FSTL5: variants seen among roughly 807,000 people sequenced by gnomAD.
FSTL5 encodes the protein follistatin like 5, also known as follistatin-related protein 5.
Under a neutral mutation model 89.1 loss-of-function variants are expected in FSTL5, and 62 were observed. The ratio of observed to expected loss-of-function variants is 0.70; its 90% confidence interval spans 0.57 to 0.86. FSTL5 has a LOEUF of 0.86. Ranked by LOEUF, FSTL5 falls within the 40% of genes least tolerant of loss-of-function variation. FSTL5 has a pLI of 0.00. For missense variants in FSTL5, 1,057 were observed against 1,001.6 expected (o/e 1.06, Z -0.75); for synonymous variants, 383 against 346.2 (o/e 1.11, Z -1.18).
At chr4:161,535,109 T>C (rs1470111979) in intron 10 of FSTL5, among the ~76,000 whole-genome samples, 1 of 152,056 alleles carries the variant, frequency 6.6e-6, no homozygotes, top group Non-Finnish European at 1.5e-5. Context: ...GACCTTAAAT[T>C]ATAAAAATCC....
Position 161,459,322 on chromosome 4 carries a change from A to G in FSTL5, c.1609-3T>C. 6.3e-7 allele frequency: 1 copy of G among 1,587,822 alleles called. No homozygotes were observed. The highest frequency in any genetic ancestry group is 8.6e-7 in the Non-Finnish European group (1 of 1,158,154). On this transcript the variant is annotated splice_region_variant and splice_polypyrimidine_tract_variant and intron_variant, in intron 13 of 15. Transcript: ENST00000306100. ...GGGACAGGGTCTGTGCTCACTGCCT[A>G]CAATAAAGAAGAATTGAAAAAAATG... is the stretch of plus-strand genomic sequence containing the variant.
chr4:161,572,921 A>G (rs184773245), intron 8 of FSTL5, among the ~76,000 whole-genome samples: 64 of 152,320 alleles, frequency 4.2e-4, no homozygotes, highest in Middle Eastern at 6.8e-3. Context: ...ATAAATCCTG[A>G]TATTTAATCA....
In FSTL5 at chr4:161,867,130, G is replaced by A. The variant is rs182533944; in HGVS notation, c.409+53274C>T. On this transcript the variant is annotated intron_variant, in intron 4 of 15. Coordinates refer to ENST00000306100, the MANE Select transcript of FSTL5 (RefSeq NM_020116.5). The stretch of plus-strand genomic sequence containing the variant: ...TCCAACTCCCTGCTTCATCTATTGA[G>A]GGCTTTTATCAAATGGGTTCAGTTT... Among the ~76,000 whole-genome samples, 499 of 152,032 alleles carry A rather than the reference G, an allele frequency of 3.3e-3. 6 individuals carry two copies. The highest frequency in any genetic ancestry group is 0.011 in the African/African-American group (464 of 41,520).
At chr4:161,755,311 A>C (rs1290294307) in intron 6 of FSTL5, among the ~76,000 whole-genome samples, 1 of 152,114 alleles carries the variant, frequency 6.6e-6, no homozygotes. Flanking sequence ...TCCACAAAGA[A>C]AAAAGGTATT....
At chr4:161,575,597 G>A (rs1733181956) in intron 8 of FSTL5, among the ~76,000 whole-genome samples, 1 of 151,998 alleles carries the variant, frequency 6.6e-6, no homozygotes, top group Non-Finnish European at 1.5e-5. Flanking sequence ...GGGATTACAG[G>A]CACCTGCTAC....
Position 161,887,902 on chromosome 4 carries a change from C to T in FSTL5, c.409+32502G>A, listed in dbSNP as rs117334325. Reference sequence around the variant, plus strand: ...ACACCTTGCCAAGCAAATCAGGATTCATCTAGTCCCCATGTGCAATATCAT... The same window carrying T: ...ACACCTTGCCAAGCAAATCAGGATTTATCTAGTCCCCATGTGCAATATCAT... On this transcript the variant is annotated intron_variant, in intron 4 of 15. Transcript: ENST00000306100. Among the ~76,000 whole-genome samples, 877 of 152,258 alleles carry T rather than the reference C, an allele frequency of 5.8e-3. 16 individuals are homozygous for T. The highest frequency in any genetic ancestry group is 0.027 in the Admixed American group (420 of 15,298).
chr4:161,557,136 T>C (rs1182378108), intron 8 of FSTL5, among the ~76,000 whole-genome samples: 2 of 151,422 alleles, frequency 1.3e-5, no homozygotes, highest in Non-Finnish European at 3.0e-5. Flanking sequence ...TACCCTTGTT[T>C]GAGTATCATC....
chr4:161,902,408 G>A (rs1476509714), intron 4 of FSTL5, among the ~76,000 whole-genome samples: 1 of 152,094 alleles, frequency 6.6e-6, no homozygotes, highest in Non-Finnish European at 1.5e-5. Flanking sequence ...AAATTATCAG[G>A]AAAGGGCATA....
rs143468233 is a variant in FSTL5, at chr4:161,669,073, C to T, written c.728-12579G>A. Among the ~76,000 whole-genome samples, 1,069 of 141,028 alleles carry T rather than the reference C, an allele frequency of 7.6e-3. 10 individuals are homozygous for T. The highest frequency in any genetic ancestry group is 0.026 in the African/African-American group (999 of 37,928). The allele number at this position is 141,028 out of a possible 152,430, so 92.5% of individuals were successfully genotyped here. A position where few individuals can be genotyped will look rare whatever the true frequency, so the allele number is the denominator to read the frequency against. On this transcript the variant is annotated intron_variant, in intron 6 of 15. Transcript: ENST00000306100. Reference sequence around the variant, plus strand: ...GTTGCAGTGAACTGAGATTCCGCCACGGCCCTCCAGCCTGGGTGACAGAGT... The same window carrying T: ...GTTGCAGTGAACTGAGATTCCGCCATGGCCCTCCAGCCTGGGTGACAGAGT...
chr4:161,626,502 C>T (rs1735321817), intron 7 of FSTL5, among the ~76,000 whole-genome samples: 1 of 152,146 alleles, frequency 6.6e-6, no homozygotes, highest in Non-Finnish European at 1.5e-5. Context: ...CGATTCCTTT[C>T]AAAATATTAC....
At chr4:162,061,487 T>G (rs1738716827) in intron 2 of FSTL5, among the ~76,000 whole-genome samples, 1 of 152,168 alleles carries the variant, frequency 6.6e-6, no homozygotes, top group South Asian at 2.1e-4. Flanking sequence ...TTCAGTATCT[T>G]CATTTCTGTT....
intron 4 of FSTL5, among the ~76,000 whole-genome samples, chr4:161,835,392 G>C (rs144394689): frequency 0.077 from 11,630 of 151,874 alleles, 527 homozygotes; most frequent in African/African-American, 0.12. Flanking sequence ...CATAGGCATA[G>C]GCAAGGACTT....
At chr4:161,748,163 A>G (rs1740266809) in intron 6 of FSTL5, among the ~76,000 whole-genome samples, 1 of 152,156 alleles carries the variant, frequency 6.6e-6, no homozygotes, top group African/African-American at 2.4e-5. Context: ...TTACTTGTAT[A>G]AAAGTATAAA....
At chr4:161,937,929 G>C (rs1307558425) in intron 3 of FSTL5, among the ~76,000 whole-genome samples, 1 of 152,050 alleles carries the variant, frequency 6.6e-6, no homozygotes, top group African/African-American at 2.4e-5. Flanking sequence ...GTTTTCCTCT[G>C]ACATCATCTC....
intron 8 of FSTL5, among the ~76,000 whole-genome samples, chr4:161,570,776 T>TA (rs1732977723): frequency 6.6e-6 from 1 of 152,336 alleles, no homozygotes; most frequent in East Asian, 1.9e-4. Flanking sequence ...AGCCTGCAGC[T>TA]ATGCTCTGGA....
At chr4:162,116,211 T>C (rs528755730) in intron 1 of FSTL5, among the ~76,000 whole-genome samples, 19 of 152,292 alleles carry the variant, frequency 1.2e-4, no homozygotes, top group African/African-American at 3.8e-4. Flanking sequence ...CTGTGAGACG[T>C]AGAGCAGGCT....
intron 7 of FSTL5, among the ~76,000 whole-genome samples, chr4:161,640,675 T>A (rs529729418): frequency 1.3e-4 from 19 of 143,566 alleles, no homozygotes; most frequent in African/African-American, 4.8e-4. Flanking sequence ...ATTTGTAGAA[T>A]ACCATCAAGA....
chr4:161,566,100 C>CTATATATATA lies in FSTL5; in HGVS notation c.1015+21345_1015+21354dup, dbSNP rs59511238. Among the ~76,000 whole-genome samples, 63 of 54,012 alleles carry CTATATATATA rather than the reference C, an allele frequency of 1.2e-3. 2 individuals are homozygous for CTATATATATA. Among genetic ancestry groups the CTATATATATA allele is most frequent in the Non-Finnish European group, 1.6e-3 (46 of 28,340 alleles). 35.4% of individuals were successfully genotyped at this position (54,012 alleles called of 152,430 possible). On this transcript the variant is annotated intron_variant, in intron 8 of 15. Coordinates refer to ENST00000306100, the MANE Select transcript of FSTL5 (RefSeq NM_020116.5). The stretch of plus-strand genomic sequence containing the variant: ...TATTGTTTTTTTCTTTTTTTTTGGA[C>CTATATATATA]TATATATATATATATATATATATAT...
chr4:161,934,151 A>G (rs1353538753), intron 3 of FSTL5, among the ~76,000 whole-genome samples: 1 of 152,128 alleles, frequency 6.6e-6, no homozygotes, highest in East Asian at 1.9e-4. Context: ...CAGCTTAAGC[A>G]TAGTAAGTGA....
Sources: gnomAD v4.1 joint callset for allele counts (sites outside exome capture counted in the v4.1 genomes callset) on GRCh38, gnomAD v4.1.1 for gene constraint, MANE v1.5 for transcripts, NCBI Gene and HGNC (gene_info 2026-07-23, HGNC 2026-07-21) for gene names.